The following TCEANC2 variants were observed in gnomAD, a reference collection of about 807,000 sequenced individuals.
TCEANC2 encodes the protein transcription elongation factor A N-terminal and central domain containing 2.
In TCEANC2, 20 loss-of-function variants were observed where a neutral mutation model predicts 22.8. The ratio of observed to expected loss-of-function variants is 0.88; its 90% confidence interval spans 0.62 to 1.28. The LOEUF (loss-of-function observed/expected upper bound fraction) is 1.28, where lower values mean the gene tolerates loss of function less well. Among genes scored for constraint, TCEANC2 ranks in the 50% most tolerant of loss-of-function variants. The pLI is 0.00. For missense variants in TCEANC2, 251 were observed against 249.7 expected, an observed-to-expected ratio of 1.01 and a Z score of -0.03; for synonymous variants, 84 against 95.5, an observed-to-expected ratio of 0.88 and a Z score of 0.70.
At chr1:54,077,086 G>A (rs1407211945) in intron 3 of TCEANC2, among the ~76,000 whole-genome samples, 1 of 152,106 alleles carries the variant, frequency 6.6e-6, no homozygotes, top group Non-Finnish European at 1.5e-5. Context: ...TGAGAGAATG[G>A]AGAAATGAAA....
At chr1:54,111,823 C>T (rs1037896048) in exon 5 of TCEANC2, 6 of 152,246 alleles carry the variant, frequency 3.9e-5, no homozygotes, top group African/African-American at 1.4e-4. Context: ...GATGGGCATT[C>T]CTGGGTGGGC....
chr1:54,103,753 CCT>C lies in TCEANC2; in HGVS notation c.*7281_*7282del, dbSNP rs1658700254. 1 of 152,186 alleles carries C rather than the reference CCT, an allele frequency of 6.6e-6. No individual in the cohort carries two copies. Among genetic ancestry groups the C allele is most frequent in the Admixed American group, 6.5e-5 (1 of 15,272 alleles). The allele number at this position is 152,186 out of a possible 1,614,324, so 9.4% of individuals were successfully genotyped here. A position where few individuals can be genotyped will look rare whatever the true frequency, so the allele number is the denominator to read the frequency against. On this transcript the variant is annotated 3_prime_UTR_variant, in exon 5 of 5. Coordinates refer to ENST00000234827, the MANE Select transcript of TCEANC2 (RefSeq NM_153035.3). ...ACTTGGGAAGTTGGCTATATTAAAC[CCT>C]GTCTACCCTGGAAAGAGCTGTGATT...
chr1:54,104,613 C>T lies in TCEANC2; in HGVS notation c.*8140C>T. 3 of 451,734 alleles carry T rather than the reference C, an allele frequency of 6.6e-6. No homozygotes were observed. In the Middle Eastern group the frequency reaches 9.9e-4, roughly 148 times the overall value. The allele number at this position is 451,734 out of a possible 1,614,324, so 28.0% of individuals were successfully genotyped here. Reference sequence around the variant, plus strand: ...CTGGAGTGCAGTGGCACCATCTCGGCTCACTGCAACCTCTGCCTCCTGGGT... The same window carrying T: ...CTGGAGTGCAGTGGCACCATCTCGGTTCACTGCAACCTCTGCCTCCTGGGT... On this transcript the variant is annotated 3_prime_UTR_variant, in exon 5 of 5. Transcript: ENST00000234827.
At chr1:54,062,962 G>GAA (rs1455125776) in intron 2 of TCEANC2, among the ~76,000 whole-genome samples, 1 of 152,208 alleles carries the variant, frequency 6.6e-6, no homozygotes, top group Admixed American at 6.5e-5. Flanking sequence ...CAGCCATGCA[G>GAA]AAATGCTGGA....
chr1:54,083,347 A>G (rs1031744753), intron 3 of TCEANC2, among the ~76,000 whole-genome samples: 2 of 152,226 alleles, frequency 1.3e-5, no homozygotes, highest in African/African-American at 4.8e-5. Flanking sequence ...GCCAAGGACC[A>G]TGCCCTAGCT....
chr1:54,067,498 A>G (rs986138851), intron 2 of TCEANC2, among the ~76,000 whole-genome samples: 1 of 152,242 alleles, frequency 6.6e-6, no homozygotes, highest in African/African-American at 2.4e-5. Context: ...TCCAGGTAGT[A>G]CTAAAACCTG....
chr1:54,087,954 T>G (rs979337618), intron 3 of TCEANC2, among the ~76,000 whole-genome samples: 7 of 152,218 alleles, frequency 4.6e-5, no homozygotes, highest in African/African-American at 1.7e-4. Context: ...CTTTTTCTTT[T>G]GGGGAAGAGG....
At chr1:54,066,007 AG>A (rs369584642) in intron 2 of TCEANC2, among the ~76,000 whole-genome samples, 1 of 149,732 alleles carries the variant, frequency 6.7e-6, no homozygotes, top group African/African-American at 2.5e-5. Flanking sequence ...GTTGGGGGAG[AG>A]GGGGGCGGAG....
intron 2 of TCEANC2, among the ~76,000 whole-genome samples, chr1:54,066,907 A>G (rs1049571706): frequency 4.6e-5 from 7 of 152,204 alleles, no homozygotes; most frequent in East Asian, 3.8e-4. Context: ...ATATTTCCCA[A>G]TGAGATTCTG....
chr1:54,096,616 A>G lies in TCEANC2; in HGVS notation c.*143A>G. The G allele has an allele frequency of 7.1e-7, 1 of 1,403,158 alleles. No individual in the cohort carries two copies. Among genetic ancestry groups the G allele is most frequent in the Non-Finnish European group, 9.3e-7 (1 of 1,073,040 alleles). The allele number at this position is 1,403,158 out of a possible 1,614,324, so 86.9% of individuals were successfully genotyped here. On this transcript the variant is annotated 3_prime_UTR_variant, in exon 5 of 5. Transcript: ENST00000234827. This position sits in a 1 kb window ranked among gnomAD's most constrained non-coding sequence, Gnocchi z 4.9. Reference sequence around the variant, plus strand: ...GGTGCCGTTCCTTTGCAGACAGAGGATTCGGAGAGCCCTAGGAGACAGGCC... The same window carrying G: ...GGTGCCGTTCCTTTGCAGACAGAGGGTTCGGAGAGCCCTAGGAGACAGGCC...
chr1:54,079,220 C>T (rs945348100), intron 3 of TCEANC2, among the ~76,000 whole-genome samples: 5 of 151,926 alleles, frequency 3.3e-5, no homozygotes, highest in African/African-American at 7.3e-5. Context: ...ACAACAAAAC[C>T]CCTCTTCTTA....
In TCEANC2 at chr1:54,068,811, A is replaced by G. The variant is rs746174983; in HGVS notation, c.158A>G (p.Asp53Gly). The G allele has an allele frequency of 1.7e-5, 27 of 1,612,652 alleles. No homozygotes were observed. In the South Asian group the frequency reaches 2.8e-4, roughly 16 times the overall value. Residue 53 changes from aspartate (D) to glycine (G), a missense_variant, in exon 3 of 5, where the codon GAT becomes GGT. Coordinates refer to ENST00000234827, the MANE Select transcript of TCEANC2 (RefSeq NM_153035.3). Reference protein sequence around the residue: ...KRWKTMLELPDQTKENLVEAL... With the variant: ...KRWKTMLELPGQTKENLVEAL... ...TGGAAAACTATGCTGGAGCTTCCTGATCAAACCAAAGAGAATCTTGTTGAA... is the reference window on the plus strand; with the variant it reads ...TGGAAAACTATGCTGGAGCTTCCTGGTCAAACCAAAGAGAATCTTGTTGAA...
intron 3 of TCEANC2, among the ~76,000 whole-genome samples, chr1:54,070,822 T>C (rs1318274711): frequency 6.6e-6 from 1 of 152,234 alleles, no homozygotes; most frequent in Admixed American, 6.5e-5. Context: ...TATATAGGCA[T>C]AATAATGAAG....
chr1:54,110,098 G>T (rs934383730), downstream of TCEANC2, among the ~76,000 whole-genome samples: 1 of 152,168 alleles, frequency 6.6e-6, no homozygotes, highest in Admixed American at 6.5e-5. Context: ...CTCCTGTACA[G>T]GCTAGAGACT....
chr1:54,062,843 G>T (rs1049419808), intron 2 of TCEANC2, among the ~76,000 whole-genome samples: 1 of 152,222 alleles, frequency 6.6e-6, no homozygotes, highest in African/African-American at 2.4e-5. Flanking sequence ...AGACTGAAAA[G>T]AATGTCAGGA....
Position 54,097,166 on chromosome 1 carries a change from T to C in TCEANC2, c.*693T>C, listed in dbSNP as rs1468954999. On this transcript the variant is annotated 3_prime_UTR_variant, in exon 5 of 5. Transcript: ENST00000234827. ...TTAGGGCTCTGTAGAAGATACATAA[T>C]GAAATTTCTCTTGAAATGAATTACT... The C allele has an allele frequency of 2.4e-5, 4 of 169,286 alleles. No individual in the cohort carries two copies. Among genetic ancestry groups the C allele is most frequent in the Non-Finnish European group, 3.6e-5 (3 of 83,480 alleles). 10.5% of individuals were successfully genotyped at this position (169,286 alleles called of 1,614,324 possible). A position where few individuals can be genotyped will look rare whatever the true frequency, so the allele number is the denominator to read the frequency against.
chr1:54,105,506 A>G lies in TCEANC2; in HGVS notation c.*9033A>G, dbSNP rs1658737007. 6.6e-6 allele frequency: 1 copy of G among 152,266 alleles called. No homozygotes were observed. Among genetic ancestry groups the G allele is most frequent in the Non-Finnish European group, 1.5e-5 (1 of 68,088 alleles). The allele number at this position is 152,266 out of a possible 1,614,324, so 9.4% of individuals were successfully genotyped here. A position where few individuals can be genotyped will look rare whatever the true frequency, so the allele number is the denominator to read the frequency against. On this transcript the variant is annotated 3_prime_UTR_variant, in exon 5 of 5. Coordinates refer to ENST00000234827, the MANE Select transcript of TCEANC2 (RefSeq NM_153035.3). ...CTGCTTCCTTTCCTGCCCCCTTCCC[A>G]AGAGCAATCCCTGATAAACTTCCCG... is the stretch of plus-strand genomic sequence containing the variant.
At chr1:54,054,052 A>G (rs937135292) in intron 1 of TCEANC2, 2 of 309,094 alleles carry the variant, frequency 6.5e-6, no homozygotes, top group African/African-American at 2.2e-5. Flanking sequence ...ACCCTTTCAC[A>G]GCCCAATCTT....
At position 54,064,697 on chromosome 1, in the gene TCEANC2, T is replaced by C. The variant is rs1281497688; in HGVS notation, c.103-4059T>C. Among the ~76,000 whole-genome samples the C allele has an allele frequency of 2.0e-5, 3 of 147,554 alleles. No individual in the cohort carries two copies. In the East Asian group the frequency reaches 5.9e-4, roughly 29 times the overall value. On this transcript the variant is annotated intron_variant, in intron 2 of 4. Transcript: ENST00000234827. ...TTGTTGGTTGTGCATTTTTCCTTTT[T>C]TTTTTTTTTTTTTTTTTTGGGGGAC...
Sources: gnomAD v4.1 joint callset for allele counts (sites outside exome capture counted in the v4.1 genomes callset) on GRCh38, gnomAD v4.1.1 for gene constraint, Gnocchi (gnomAD v3.1) non-coding constraint, MANE v1.5 for transcripts, NCBI Gene and HGNC (gene_info 2026-07-23, HGNC 2026-07-21) for gene names.